The following PRG4 variants were observed in gnomAD, a reference collection of about 807,000 sequenced individuals.
The protein encoded by PRG4 is articular superficial zone protein.
Under a neutral mutation model 91.2 loss-of-function variants are expected in PRG4, and 61 were observed. The observed-to-expected ratio is 0.67, with a 90% CI of 0.54 to 0.83. PRG4 has a LOEUF of 0.83. Ranked by LOEUF, PRG4 falls within the 40% of genes least tolerant of loss-of-function variation. The probability of loss-of-function intolerance (pLI) is 0.00; values close to 1 mark genes in which losing one functional copy is unlikely to be tolerated. For missense variants in PRG4, 1,564 were observed against 1,714.2 expected (o/e 0.91, Z 1.55); for synonymous variants, 576 against 614.2 (o/e 0.94, Z 0.92).
chr1:186,308,490 T>G lies in PRG4; in HGVS notation c.2771T>G (p.Leu924Ter). 2 of 1,613,802 alleles carry G rather than the reference T, an allele frequency of 1.2e-6. No individual in the cohort carries two copies. The highest frequency in any genetic ancestry group is 2.2e-5 in the South Asian group (2 of 91,078). ...TAKDKTTERD[L>*]RTTPETTTAA... ...AAAGACAAGACAACAGAAAGAGACT[T>G]ACGTACTACACCTGAAACTACAACT... The change falls in exon 7 of 13, where the codon TTA (leucine) becomes TGA (stop). Residue 924 changes from leucine to a stop codon, truncating the protein, a stop_gained. Coordinates refer to ENST00000445192, the MANE Select transcript of PRG4 (RefSeq NM_005807.6). LOFTEE classifies it high-confidence loss of function.
rs1159406202 is a variant in PRG4, at chr1:186,311,139, G to C, written c.3605G>C (p.Cys1202Ser). 1 of 1,613,304 alleles carries C rather than the reference G, an allele frequency of 6.2e-7. No homozygotes were observed. The highest frequency in any genetic ancestry group is 8.5e-7 in the Non-Finnish European group (1 of 1,179,330). The change falls in exon 9 of 13, where the codon TGC becomes TCC. Residue 1202 changes from cysteine (C) to serine (S), a missense_variant. Cys to Ser is a moderately radical substitution (Grantham distance 112, BLOSUM62 -1). Transcript: ENST00000445192. ...PSPIDTVFTR[C>S]NCEGKTFFFK... ...CCCATTGATACTGTTTTTACTAGGT[G>C]CAACTGTGAAGGAAAAACTTTCTTC...
At position 186,314,545 on chromosome 1, in the gene PRG4, T is replaced by C; in HGVS notation, c.*767T>C. The C allele has an allele frequency of 1.9e-6, 2 of 1,039,282 alleles. No individual in the cohort carries two copies. The highest frequency in any genetic ancestry group is 2.6e-5 in the East Asian group (1 of 39,034). 64.4% of individuals were successfully genotyped at this position (1,039,282 alleles called of 1,614,324 possible). ...AACTTTGGAACATTAAAAAAATAAATTGGAGGCTTAAGGATTAGAAAACTT... is the reference window on the plus strand; with the variant it reads ...AACTTTGGAACATTAAAAAAATAAACTGGAGGCTTAAGGATTAGAAAACTT... On this transcript the variant is annotated 3_prime_UTR_variant, in exon 13 of 13. Transcript: ENST00000445192.
rs1472561893 is a variant in PRG4, at chr1:186,311,497, A to G, written c.3694A>G (p.Ile1232Val). Reference protein sequence around the residue: ...DIKDAGYPKPIFKGFGGLTGQ... With the variant: ...DIKDAGYPKPVFKGFGGLTGQ... ...AAAAGATGCAGGGTACCCCAAACCA[A>G]TTTTCAAAGGATTTGGAGGACTAAC... The change falls in exon 10 of 13, where the codon ATT (isoleucine) becomes GTT (valine). Residue 1232 changes from isoleucine to valine, a missense_variant. Ile to Val is a conservative substitution (Grantham distance 29). Coordinates refer to ENST00000445192, the MANE Select transcript of PRG4 (RefSeq NM_005807.6). 6.2e-7 allele frequency: 1 copy of G among 1,613,718 alleles called. No homozygotes were observed. Among genetic ancestry groups the G allele is most frequent in the Non-Finnish European group, 8.5e-7 (1 of 1,179,666 alleles).
At position 186,313,892 on chromosome 1, in the gene PRG4, AAT is replaced by A. The variant is rs1472675543; in HGVS notation, c.*115_*116del. 1.4e-5 allele frequency: 22 copies of A among 1,527,934 alleles called. No homozygotes were observed. The highest frequency in any genetic ancestry group is 1.2e-4 in the African/African-American group (9 of 72,850). The allele number at this position is 1,527,934 out of a possible 1,614,324, so 94.6% of individuals were successfully genotyped here. A position where few individuals can be genotyped will look rare whatever the true frequency, so the allele number is the denominator to read the frequency against. On this transcript the variant is annotated 3_prime_UTR_variant, in exon 13 of 13. Coordinates refer to ENST00000445192, the MANE Select transcript of PRG4 (RefSeq NM_005807.6). ...ATGAGTATACCAGTTTATATATAAA[AAT>A]GTTTTTAAACTTGACAATCATTACA... is the stretch of plus-strand genomic sequence containing the variant.
chr1:186,310,800 C>T (rs1001946465), intron 8 of PRG4, among the ~76,000 whole-genome samples: 28 of 151,856 alleles, frequency 1.8e-4, no homozygotes, highest in African/African-American at 6.5e-4. Context: ...TGCACCTGGC[C>T]CAACCAATAG....
rs1657477672 is a variant in PRG4 at position 186,314,020 on chromosome 1, C to T, written c.*242C>T. The T allele has an allele frequency of 1.2e-6, 2 of 1,610,760 alleles. No homozygotes were observed. The highest frequency in any genetic ancestry group is 1.7e-6 in the Non-Finnish European group (2 of 1,179,172). ...TCCTCCTCTCCCTCCCATTGCATGG[C>T]TCACACCTGTAAAAGAAAAAAGAAT... On this transcript the variant is annotated 3_prime_UTR_variant, in exon 13 of 13. Transcript: ENST00000445192.
Position 186,307,135 on chromosome 1 carries a change from GGAGCCTGCACCCACCACTCCCAAA to G in PRG4, c.1431_1454del (p.Thr478_Thr485del), listed in dbSNP as rs770844232. The stretch of plus-strand genomic sequence containing the variant: ...CCAAGGAGCCTGCACCCACCACCAA[GGAGCCTGCACCCACCACTCCCAAA>G]GAGCCTGCACCCACTGCCCCCAAGA... On this transcript the variant is annotated inframe_deletion, in exon 7 of 13. Coordinates refer to ENST00000445192, the MANE Select transcript of PRG4 (RefSeq NM_005807.6). 0.16 allele frequency: 223,691 copies of G among 1,375,468 alleles called. 19,021 individuals are homozygous for G. The highest frequency in any genetic ancestry group is 0.19 in the East Asian group (5,345 of 28,290). The allele number at this position is 1,375,468 out of a possible 1,614,324, so 85.2% of individuals were successfully genotyped here.
chr1:186,296,851 G>A lies in PRG4; in HGVS notation c.-25G>A, dbSNP rs749820846. ...TACTTTTATTTTATTTTCAGCAAGGGTACCTACGGTACCTGAAAACAACGA... is the reference window on the plus strand; with the variant it reads ...TACTTTTATTTTATTTTCAGCAAGGATACCTACGGTACCTGAAAACAACGA... On this transcript the variant is annotated 5_prime_UTR_variant, in exon 2 of 13. Transcript: ENST00000445192. 21 of 1,579,414 alleles carry A rather than the reference G, an allele frequency of 1.3e-5. No homozygotes were observed. The highest frequency in any genetic ancestry group is 1.7e-5 in the Non-Finnish European group (20 of 1,148,838).
At position 186,306,001 on chromosome 1, in the gene PRG4, G is replaced by A. The variant is rs189683297; in HGVS notation, c.599-317G>A. Among the ~76,000 whole-genome samples the A allele has an allele frequency of 1.2e-3, 183 of 152,178 alleles. 1 individual carries two copies. Among genetic ancestry groups the A allele is most frequent in the African/African-American group, 4.2e-3 (174 of 41,520 alleles). ...GAAGAATAAGAGTACAAAAAGTAGG[G>A]GGTAAAGAACATTAATATAAACAGA... On this transcript the variant is annotated intron_variant, in intron 6 of 12. Coordinates refer to ENST00000445192, the MANE Select transcript of PRG4 (RefSeq NM_005807.6).
chr1:186,314,283 G>T lies in PRG4; in HGVS notation c.*505G>T. The T allele has an allele frequency of 2.3e-6, 1 of 442,408 alleles. No homozygotes were observed. The highest frequency in any genetic ancestry group is 4.0e-6 in the Non-Finnish European group (1 of 252,070). The allele number at this position is 442,408 out of a possible 1,614,324, so 27.4% of individuals were successfully genotyped here. A position where few individuals can be genotyped will look rare whatever the true frequency, so the allele number is the denominator to read the frequency against. On this transcript the variant is annotated 3_prime_UTR_variant, in exon 13 of 13. Coordinates refer to ENST00000445192, the MANE Select transcript of PRG4 (RefSeq NM_005807.6). ...TTACTAGCTAAAACATAATCACAAA[G>T]CTTTATCGTGTTGTATAAAAAAATT...
chr1:186,312,482 T>C, intron 11 of PRG4, 110 bp downstream of exon 11: 1 of 1,121,276 alleles, frequency 8.9e-7, no homozygotes. Flanking sequence ...GCCCTAATAA[T>C]TTAAGCTTAC....
intron 4 of PRG4, 144 bp downstream of exon 4, chr1:186,301,855 T>C: frequency 8.0e-7 from 1 of 1,244,664 alleles, no homozygotes; most frequent in Non-Finnish European, 1.2e-6. Context: ...AATTTTGTTT[T>C]GTGGAGATGA....
Sources: allele counts gnomAD v4.1 joint callset (sites outside exome capture counted in the v4.1 genomes callset), GRCh38; gene constraint gnomAD v4.1.1; transcripts MANE v1.5; gene names NCBI Gene and HGNC (gene_info 2026-07-23, HGNC 2026-07-21).